The following DOCK4 variants were observed in gnomAD, a reference collection of about 807,000 sequenced individuals.
The protein encoded by DOCK4 is dedicator of cytokinesis 4.
In DOCK4, 97 loss-of-function variants were observed where a neutral mutation model predicts 268.1. The ratio of observed to expected loss-of-function variants is 0.36; its 90% CI spans 0.31 to 0.43. The LOEUF is 0.43. Among genes scored for constraint, DOCK4 ranks in the 20% least tolerant of loss-of-function variants. The pLI, the probability that DOCK4 is intolerant of heterozygous loss-of-function variation, is 1.00. For synonymous variants in DOCK4, 954 were observed against 887.2 expected (o/e 1.08, Z -1.34); for missense variants, 2,145 against 2,455.7 (o/e 0.87, Z 2.67).
At chr7:112,162,898 A>G (rs1286737440) in intron 1 of DOCK4, among the ~76,000 whole-genome samples, 1 of 152,198 alleles carries the variant, frequency 6.6e-6, no homozygotes, top group Non-Finnish European at 1.5e-5. Flanking sequence ...ATCCAAGGAC[A>G]CTTGACTTTC....
At chr7:111,772,373 C>CA (rs1276278379) in intron 36 of DOCK4, among the ~76,000 whole-genome samples, 6 of 149,088 alleles carry the variant, frequency 4.0e-5, no homozygotes, top group African/African-American at 9.9e-5. Flanking sequence ...ACCCCCATCT[C>CA]AAAAAAAAAG....
chr7:111,769,463 T>G, intron 37 of DOCK4, 66 bp downstream of exon 37: 1 of 1,581,010 alleles, frequency 6.3e-7, no homozygotes, highest in South Asian at 1.1e-5. Context: ...AAACTAGAAA[T>G]GAAAGGGAAA....
At chr7:112,029,005 T>C (rs915450411) in intron 1 of DOCK4, among the ~76,000 whole-genome samples, 7 of 152,234 alleles carry the variant, frequency 4.6e-5, no homozygotes, top group African/African-American at 1.7e-4. Context: ...TCTTGCAATG[T>C]TATTTTGCAA....
At chr7:111,998,580 C>T in intron 3 of DOCK4, 77 bp from the exon 4 acceptor site, 2 of 1,109,524 alleles carry the variant, frequency 1.8e-6, no homozygotes, top group East Asian at 2.6e-5. Flanking sequence ...GTATAAAACA[C>T]AGCCATACAA....
chr7:111,804,726 A>T (rs1486559730), intron 30 of DOCK4, among the ~76,000 whole-genome samples: 1 of 151,822 alleles, frequency 6.6e-6, no homozygotes, highest in East Asian at 1.9e-4. Context: ...CTGCCTTCCA[A>T]GTAGCTAGGA....
At chr7:111,933,090 G>GTATATACACATATATATACATA (rs1794338417) in intron 12 of DOCK4, among the ~76,000 whole-genome samples, 1 of 124,312 alleles carries the variant, frequency 8.0e-6, no homozygotes, top group Non-Finnish European at 1.7e-5. Flanking sequence ...ATATATATAC[G>GTATATACACATATATATACATA]TATATACACA....
rs1211058136 is a variant in DOCK4, at chr7:112,143,737, A to C, written c.37+62365T>G. Reference sequence around the variant, plus strand: ...AAGTCTCCTGAGAGTGGGACTAAGAAGAGCTACATGGGCCAAACCCAACCC... The same window carrying C: ...AAGTCTCCTGAGAGTGGGACTAAGACGAGCTACATGGGCCAAACCCAACCC... On this transcript the variant is annotated intron_variant, in intron 1 of 52. Coordinates refer to ENST00000428084, the MANE Select transcript of DOCK4 (RefSeq NM_001363540.2). Among the ~76,000 whole-genome samples the C allele has an allele frequency of 2.6e-5, 4 of 152,254 alleles. No individual in the cohort carries two copies. The South Asian group carries it at 8.3e-4, about 32-fold the overall frequency.
intron 40 of DOCK4, among the ~76,000 whole-genome samples, chr7:111,759,350 G>A (rs1263114081): frequency 6.6e-6 from 1 of 152,116 alleles, no homozygotes; most frequent in East Asian, 1.9e-4. Flanking sequence ...GTATTCATAT[G>A]CAGGGTGTTT....
At chr7:112,148,241 T>C (rs753335795) in intron 1 of DOCK4, among the ~76,000 whole-genome samples, 1 of 152,142 alleles carries the variant, frequency 6.6e-6, no homozygotes, top group Non-Finnish European at 1.5e-5. Context: ...ATTCCAGTGA[T>C]TGATGCTGGG....
At chr7:111,834,142 G>T (rs1803059414) in intron 26 of DOCK4, among the ~76,000 whole-genome samples, 1 of 152,158 alleles carries the variant, frequency 6.6e-6, no homozygotes, top group Admixed American at 6.5e-5. Flanking sequence ...AGCTGATAGA[G>T]AATATCAAAT....
At chr7:111,870,757 C>T (rs1806356155) in intron 20 of DOCK4, among the ~76,000 whole-genome samples, 1 of 152,130 alleles carries the variant, frequency 6.6e-6, no homozygotes, top group African/African-American at 2.4e-5. Context: ...TCTGATCACC[C>T]CCAGCCTAAG....
chr7:112,159,128 G>T (rs142792658), intron 1 of DOCK4, among the ~76,000 whole-genome samples: 1 of 151,918 alleles, frequency 6.6e-6, no homozygotes, highest in Non-Finnish European at 1.5e-5. Context: ...CTGCAAATAC[G>T]CCCTCCTAGA....
intron 1 of DOCK4, among the ~76,000 whole-genome samples, chr7:112,142,287 T>C (rs1454881081): frequency 6.6e-6 from 1 of 152,186 alleles, no homozygotes; most frequent in Non-Finnish European, 1.5e-5. Context: ...GCACACCTTT[T>C]CTAGGATCAT....
chr7:111,850,761 C>T (rs1012498898), intron 23 of DOCK4, among the ~76,000 whole-genome samples: 19 of 151,828 alleles, frequency 1.3e-4, no homozygotes, highest in African/African-American at 4.3e-4. Flanking sequence ...GAACAACCCC[C>T]TTTAACTGTA....
intron 46 of DOCK4, 73 bp from the exon 47 acceptor site, chr7:111,741,287 G>T: frequency 6.4e-7 from 1 of 1,568,670 alleles, no homozygotes; most frequent in South Asian, 1.2e-5. Flanking sequence ...AGAATGCTAT[G>T]AAACCAAAGG....
intron 12 of DOCK4, among the ~76,000 whole-genome samples, chr7:111,918,156 C>G (rs552895133): frequency 6.6e-6 from 1 of 152,228 alleles, no homozygotes; most frequent in South Asian, 2.1e-4. Flanking sequence ...AGGTCCAAAT[C>G]GGAGCTAGAT....
chr7:112,151,976 A>C (rs564940570), intron 1 of DOCK4, among the ~76,000 whole-genome samples: 9 of 152,022 alleles, frequency 5.9e-5, no homozygotes, highest in African/African-American at 1.9e-4. Context: ...AAAAAAAAAA[A>C]AACTAATTCT....
intron 30 of DOCK4, among the ~76,000 whole-genome samples, chr7:111,792,263 A>G (rs1348248320): frequency 6.6e-6 from 1 of 152,256 alleles, no homozygotes; most frequent in Non-Finnish European, 1.5e-5. Context: ...TCCACTTAGA[A>G]TTTACAAGTT....
At chr7:111,746,814 CTTTTTTTTTTTTTT>C (rs59197701) in intron 43 of DOCK4, among the ~76,000 whole-genome samples, 1 of 110,914 alleles carries the variant, frequency 9.0e-6, no homozygotes, top group Non-Finnish European at 1.8e-5. Flanking sequence ...TCGGTCTTAT[CTTTTTTTTTTTTTT>C]TTTTTTTTTT....
Sources: allele counts gnomAD v4.1 joint callset (sites outside exome capture counted in the v4.1 genomes callset), GRCh38; gene constraint gnomAD v4.1.1; transcripts MANE v1.5; gene names NCBI Gene and HGNC (gene_info 2026-07-23, HGNC 2026-07-21).